Variants in WDR7 observed in about 807,000 individuals in gnomAD.
WDR7 encodes the protein WD repeat domain 7.
A neutral mutation model predicts 169.4 loss-of-function variants in WDR7; 46 were observed. The observed-to-expected ratio is 0.27, with a 90% CI of 0.21 to 0.35. The LOEUF (loss-of-function observed/expected upper bound fraction) is 0.35, where lower values mean the gene tolerates loss of function less well. WDR7 is among the 10% of genes least tolerant of loss of function. WDR7 has a pLI of 1.00. For synonymous variants in WDR7, 612 were observed against 666.8 expected (o/e 0.92, Z 1.27); for missense variants, 1,534 against 1,859.3 (o/e 0.83, Z 3.22).
intron 14 of WDR7, among the ~76,000 whole-genome samples, chr18:56,754,496 A>T (rs909029175): frequency 3.3e-5 from 5 of 151,700 alleles, no homozygotes; most frequent in African/African-American, 1.2e-4. Context: ...ATACTTAAGC[A>T]TTAAATATGT....
intron 19 of WDR7, among the ~76,000 whole-genome samples, chr18:56,811,073 C>T (rs1169971250): frequency 6.6e-6 from 1 of 152,114 alleles, no homozygotes; most frequent in African/African-American, 2.4e-5. Flanking sequence ...TTTTATTTAG[C>T]GTTAAAATTG....
At chr18:56,992,255 C>A (rs1383506223) in intron 26 of WDR7, among the ~76,000 whole-genome samples, 2 of 152,196 alleles carry the variant, frequency 1.3e-5, no homozygotes, top group Admixed American at 6.5e-5. Flanking sequence ...TGCCTGCCTT[C>A]TTTATGTAAC....
At chr18:56,998,964 T>C (rs1186659847) in intron 26 of WDR7, among the ~76,000 whole-genome samples, 1 of 152,230 alleles carries the variant, frequency 6.6e-6, no homozygotes, top group Non-Finnish European at 1.5e-5. Flanking sequence ...AACAAGCTTT[T>C]AGCAACAGTT....
At chr18:56,678,513 T>C (rs74687455) in intron 2 of WDR7, among the ~76,000 whole-genome samples, 1 of 138,032 alleles carries the variant, frequency 7.2e-6, no homozygotes, top group Admixed American at 7.4e-5. Flanking sequence ...TTTTTTTTTT[T>C]TGAGACGGAG....
chr18:56,986,487 T>C (rs1207583115), intron 26 of WDR7, among the ~76,000 whole-genome samples: 4 of 152,194 alleles, frequency 2.6e-5, no homozygotes, highest in African/African-American at 2.4e-5. Flanking sequence ...GTTTTCTAAA[T>C]GTATGCTTTT....
intron 25 of WDR7, among the ~76,000 whole-genome samples, chr18:56,959,520 CAAACA>C (rs2047307130): frequency 1.3e-5 from 2 of 152,104 alleles, no homozygotes; most frequent in South Asian, 4.1e-4. Flanking sequence ...AACTGTTGTT[CAAACA>C]TGAATATAAA....
intron 20 of WDR7, among the ~76,000 whole-genome samples, chr18:56,822,550 G>A (rs571156064): frequency 6.6e-6 from 1 of 152,298 alleles, no homozygotes; most frequent in East Asian, 1.9e-4. Flanking sequence ...GAAACCAGAC[G>A]TTCTTTCCTA....
chr18:56,757,389 C>A, intron 15 of WDR7, 37 bp downstream of exon 15: 2 of 1,492,248 alleles, frequency 1.3e-6, no homozygotes, highest in South Asian at 1.4e-5. Flanking sequence ...TCTTAAGTTT[C>A]AAAAAAAGAA....
chr18:56,843,861 T>C (rs997405464), intron 20 of WDR7, among the ~76,000 whole-genome samples: 3 of 150,980 alleles, frequency 2.0e-5, no homozygotes, highest in East Asian at 1.9e-4. Context: ...TTCTTTCTTT[T>C]TTTTTTTTTT....
In WDR7 at chr18:56,730,282, G is replaced by GA. The variant is rs557516735; in HGVS notation, c.1775-1097dup. Among the ~76,000 whole-genome samples the GA allele has an allele frequency of 2.4e-3, 373 of 152,268 alleles. 2 individuals are homozygous for GA. Among genetic ancestry groups the GA allele is most frequent in the African/African-American group, 8.6e-3 (357 of 41,546 alleles). ...TGTTCTCTGGTGTTCGTGTTATGGA[G>GA]AAAATAAAGCAGAAAAGGGAGAATT... On this transcript the variant is annotated intron_variant, in intron 13 of 27. Transcript: ENST00000254442.
At chr18:56,664,587 A>C (rs1281709823) in intron 1 of WDR7, among the ~76,000 whole-genome samples, 5 of 150,590 alleles carry the variant, frequency 3.3e-5, no homozygotes, top group Non-Finnish European at 7.4e-5. Context: ...TGAGTTGTAC[A>C]TGAAACCCTT....
chr18:56,691,597 A>T (rs1337935807), intron 8 of WDR7, 118 bp from the exon 9 acceptor site: 6 of 923,200 alleles, frequency 6.5e-6, no homozygotes, highest in Non-Finnish European at 7.6e-6. Context: ...GCCTGCATTA[A>T]ATTAACTATA....
intron 1 of WDR7, among the ~76,000 whole-genome samples, chr18:56,662,197 G>A (rs2144455356): frequency 6.6e-6 from 1 of 152,258 alleles, no homozygotes; most frequent in East Asian, 1.9e-4. Context: ...GGCCTGCCTG[G>A]GACACAAGAA....
intron 16 of WDR7, among the ~76,000 whole-genome samples, chr18:56,776,531 A>G (rs2044244719): frequency 2.6e-5 from 4 of 152,188 alleles, no homozygotes; most frequent in African/African-American, 9.6e-5. Context: ...ATTAGTCAAT[A>G]CATTCATCAG....
intron 22 of WDR7, among the ~76,000 whole-genome samples, chr18:56,924,883 T>C (rs911109228): frequency 2.0e-5 from 3 of 152,162 alleles, no homozygotes; most frequent in Admixed American, 2.0e-4. Context: ...CACTATTTAG[T>C]CCCCACAGAA....
In WDR7 at chr18:56,696,391, G is replaced by A; in HGVS notation, c.1507G>A (p.Glu503Lys). ...CATAATTTGGGACATATTTTCTGGA[G>A]AAATGAAACATATCTTCTGTGTTCA... Reference protein sequence around the residue: ...SVIIWDIFSGEMKHIFCVHGG... With the variant: ...SVIIWDIFSGKMKHIFCVHGG... Residue 503 changes from glutamate to lysine, a missense_variant, in exon 12 of 28, where the codon GAA (glutamate) becomes AAA (lysine). Physicochemically the swap from Glu to Lys is moderately conservative, Grantham distance 56. Coordinates refer to ENST00000254442, the MANE Select transcript of WDR7 (RefSeq NM_015285.3). The A allele has an allele frequency of 6.2e-7, 1 of 1,614,124 alleles. No individual in the cohort carries two copies. Among genetic ancestry groups the A allele is most frequent in the Non-Finnish European group, 8.5e-7 (1 of 1,180,006 alleles).
At chr18:56,981,236 T>C (rs1473415723) in intron 26 of WDR7, among the ~76,000 whole-genome samples, 10 of 152,174 alleles carry the variant, frequency 6.6e-5, no homozygotes, top group African/African-American at 2.4e-4. Flanking sequence ...GTTTTTGGCA[T>C]GAGGAGCTGA....
intron 16 of WDR7, among the ~76,000 whole-genome samples, chr18:56,771,567 A>ACC (rs74182160): frequency 2.8e-5 from 2 of 71,528 alleles, no homozygotes; most frequent in Admixed American, 1.5e-4. Flanking sequence ...ACCCTCCCCC[A>ACC]CCCCCCCCCA....
chr18:56,865,269 G>C (rs1465645486), intron 20 of WDR7, among the ~76,000 whole-genome samples: 1 of 151,988 alleles, frequency 6.6e-6, no homozygotes, highest in Admixed American at 6.6e-5. Flanking sequence ...AGCACTCAAA[G>C]TATACTGCAA....
Sources: allele counts gnomAD v4.1 joint callset (sites outside exome capture counted in the v4.1 genomes callset), GRCh38; gene constraint gnomAD v4.1.1; transcripts MANE v1.5; gene names NCBI Gene and HGNC (gene_info 2026-07-23, HGNC 2026-07-21).